SPDYE1: variants seen among roughly 807,000 people sequenced by gnomAD.
The protein encoded by SPDYE1 is speedy protein E1.
In SPDYE1, 29 loss-of-function variants were observed where a neutral mutation model predicts 45.9. The ratio of observed to expected loss-of-function variants is 0.63; its 90% CI spans 0.47 to 0.86. The LOEUF (loss-of-function observed/expected upper bound fraction) is 0.86. SPDYE1 is among the 40% of genes least tolerant of loss of function. The pLI is 0.00. For synonymous variants in SPDYE1, 134 were observed against 176.8 expected (o/e 0.76, Z 1.92); for missense variants, 346 against 481.4 (o/e 0.72, Z 2.63).
At chr7:43,998,730 G>C (rs1585926809) in intron 1 of SPDYE1, among the ~76,000 whole-genome samples, 1 of 135,508 alleles carries the variant, frequency 7.4e-6, no homozygotes, top group Admixed American at 7.6e-5. Flanking sequence ...GGAGTGCAGT[G>C]GCAAGATCAT....
rs997862705 is a variant in SPDYE1, at chr7:44,000,096, G to A, written c.147G>A (p.Val49=). The A allele has an allele frequency of 2.9e-5, 29 of 984,858 alleles. No individual in the cohort carries two copies. In the South Asian group the frequency reaches 1.1e-3, roughly 37 times the overall value. 61.0% of individuals were successfully genotyped at this position (984,858 alleles called of 1,614,324 possible). Residue 49 remains valine (V), a synonymous_variant, in exon 2 of 9, where the codon GTG becomes GTA. Coordinates refer to ENST00000693451, the MANE Select transcript of SPDYE1 (RefSeq NM_001378423.2). ...YPLQEVVDDE[V]LGPSAPGVDP... ...TCCAGGAGGTGGTGGATGATGAAGT[G>A]TTGGGACCATCAGGTGAGGGGACTG...
At position 44,001,253 on chromosome 7, in the gene SPDYE1, T is replaced by G. The variant is rs770621486; in HGVS notation, c.348T>G (p.Leu116=). The change falls in exon 3 of 9, where the codon CTT becomes CTG. Residue 116 remains leucine (L), a synonymous_variant. Transcript: ENST00000693451. Reference sequence around the variant, plus strand: ...AACAGCGAGTGTCACCCATCCTCCTTGAGCACCACAAGGACTTCAACAGTC... The same window carrying G: ...AACAGCGAGTGTCACCCATCCTCCTGGAGCACCACAAGGACTTCAACAGTC... The part of the protein sequence containing the change: ...LKQQRVSPIL[L]EHHKDFNSQL... The G allele has an allele frequency of 2.5e-6, 4 of 1,597,722 alleles. No individual in the cohort carries two copies. In the East Asian group the frequency reaches 8.9e-5, roughly 36 times the overall value.
Position 44,007,323 on chromosome 7 carries a change from C to T in SPDYE1, c.808C>T (p.His270Tyr), listed in dbSNP as rs1238183918. ...CGAGGACTCCAAACAAAACATCTTC[C>T]ACTTCCTGTATGGGAAGAACCGCTC... Reference protein sequence around the residue: ...DDEDSKQNIFHFLYGKNRSRI... With the variant: ...DDEDSKQNIFYFLYGKNRSRI... Residue 270 changes from histidine to tyrosine, a missense_variant, in exon 7 of 9, where the codon CAC becomes TAC. Around this residue, in one of 4 missense-constraint regions of SPDYE1, gnomAD observed 186 missense variants for 219.1 expected, o/e 0.85. Transcript: ENST00000693451. 6.2e-7 allele frequency: 1 copy of T among 1,613,214 alleles called. No individual in the cohort carries two copies. The highest frequency in any genetic ancestry group is 1.1e-5 in the South Asian group (1 of 90,964).
rs1180533730 is a variant in SPDYE1, at chr7:44,007,724, C to T, written c.1087C>T (p.Pro363Ser). Residue 363 changes from proline (P) to serine (S), a missense_variant, in exon 8 of 9, where the codon CCA (proline) becomes TCA (serine). This residue lies in a region of SPDYE1 where 186 missense variants were observed against 219.1 expected (regional missense o/e 0.85). Coordinates refer to ENST00000693451, the MANE Select transcript of SPDYE1 (RefSeq NM_001378423.2). ...GTTTTTCCAGATCCAGGCTTATGACCCAGAGCACTGGGTGTGGGCGCGAGA... is the reference window on the plus strand; with the variant it reads ...GTTTTTCCAGATCCAGGCTTATGACTCAGAGCACTGGGTGTGGGCGCGAGA... ...EELEEIQAYD[P>S]EHWVWARDRA... 6.2e-7 allele frequency: 1 copy of T among 1,611,362 alleles called. No individual in the cohort carries two copies. Among genetic ancestry groups the T allele is most frequent in the Non-Finnish European group, 8.5e-7 (1 of 1,179,500 alleles).
Position 44,000,863 on chromosome 7 carries a change from G to A in SPDYE1, c.161-203G>A, listed in dbSNP as rs1287552493. On this transcript the variant is annotated intron_variant, in intron 2 of 8. Transcript: ENST00000693451. ...GGACCAGGGAAGGACATGAAGCAGCGTTCGGAGGACAGAGAGAGAGAAGAA... is the reference window on the plus strand; with the variant it reads ...GGACCAGGGAAGGACATGAAGCAGCATTCGGAGGACAGAGAGAGAGAAGAA... 33 of 1,373,748 alleles carry A rather than the reference G, an allele frequency of 2.4e-5. 3 individuals carry two copies. Among genetic ancestry groups the A allele is most frequent in the South Asian group, 3.1e-5 (2 of 65,500 alleles). 85.1% of individuals were successfully genotyped at this position (1,373,748 alleles called of 1,614,324 possible).
intron 2 of SPDYE1, chr7:44,000,757 A>T (rs1197612303): frequency 2.2e-5 from 27 of 1,204,996 alleles, no homozygotes; most frequent in Non-Finnish European, 2.8e-5. Flanking sequence ...GCACCACTAC[A>T]CTCCAACCTG....
intron 4 of SPDYE1, among the ~76,000 whole-genome samples, chr7:44,003,596 G>A (rs2096066993): frequency 6.6e-6 from 1 of 150,746 alleles, no homozygotes; most frequent in African/African-American, 2.4e-5. Context: ...TGCTGGAGGG[G>A]GTCCTGGCTG....
rs753525527 is a variant in SPDYE1 at position 44,002,796 on chromosome 7, G to A, written c.586G>A (p.Glu196Lys). 32 of 1,529,374 alleles carry A rather than the reference G, an allele frequency of 2.1e-5. No individual in the cohort carries two copies. The East Asian group carries it at 3.5e-4, about 17-fold the overall frequency. The allele number at this position is 1,529,374 out of a possible 1,614,324, so 94.7% of individuals were successfully genotyped here. ...RVSLVLPEHH[E>K]AFNRLLEDPV... ...GTCGCTCGTGCTCCCTGAGCACCAC[G>A]AGGCCTTCAACAGGCTGCTTGGTAG... Residue 196 changes from glutamate to lysine, a missense_variant, in exon 4 of 9, where the codon GAG becomes AAG. By Grantham distance (56) the Glu-to-Lys change is moderately conservative. This residue lies in a region of SPDYE1 where 141 missense variants were observed against 176.7 expected (regional missense o/e 0.80). Transcript: ENST00000693451.
rs2096075107 is a variant in SPDYE1, at chr7:44,008,652, C to T, written c.*46-15C>T. The T allele has an allele frequency of 2.4e-6, 3 of 1,274,312 alleles. No homozygotes were observed. The South Asian group carries it at 3.8e-5, about 16-fold the overall frequency. The allele number at this position is 1,274,312 out of a possible 1,614,324, so 78.9% of individuals were successfully genotyped here. A position where few individuals can be genotyped will look rare whatever the true frequency, so the allele number is the denominator to read the frequency against. On this transcript the variant is annotated splice_polypyrimidine_tract_variant and intron_variant, in intron 8 of 8. Transcript: ENST00000693451. ...CTGCCTCCTTGAAGTGTGACATTGT[C>T]TCTCTCCCTTCCAGAACACCGGACC...
rs766676346 is a variant in SPDYE1 at position 44,001,193 on chromosome 7, G to A, written c.288G>A (p.Val96=). ...LAPEPEETWV[V]ETLCGLKMKL... ...CTGAGCCTGAGGAGACCTGGGTAGTGGAGACGCTGTGTGGGCTCAAGATGA... is the reference window on the plus strand; with the variant it reads ...CTGAGCCTGAGGAGACCTGGGTAGTAGAGACGCTGTGTGGGCTCAAGATGA... The change falls in exon 3 of 9, where the codon GTG becomes GTA. Residue 96 remains valine, a synonymous_variant. Transcript: ENST00000693451. The A allele has an allele frequency of 2.5e-6, 4 of 1,598,352 alleles. No individual in the cohort carries two copies. Among genetic ancestry groups the A allele is most frequent in the South Asian group, 2.2e-5 (2 of 91,016 alleles).
chr7:44,006,139 C>A (rs1251744605), intron 6 of SPDYE1, among the ~76,000 whole-genome samples: 1 of 152,080 alleles, frequency 6.6e-6, no homozygotes, highest in Non-Finnish European at 1.5e-5. Flanking sequence ...CACACTGGCT[C>A]GCCATCTTGG....
Position 44,007,578 on chromosome 7 carries a change from T to C in SPDYE1, c.1063T>C (p.Leu355=), listed in dbSNP as rs760415122. 5.6e-6 allele frequency: 9 copies of C among 1,612,436 alleles called. No individual in the cohort carries two copies. The highest frequency in any genetic ancestry group is 6.8e-6 in the Non-Finnish European group (8 of 1,179,858). Residue 355 remains leucine, a synonymous_variant, in exon 7 of 9, where the codon TTG becomes CTG. Coordinates refer to ENST00000693451, the MANE Select transcript of SPDYE1 (RefSeq NM_001378423.2). ...CAGGGCTTGGGTTTCCCCAGAGGAG[T>C]TGGAGGAGGTGAGTGGGGCCTGGGG... ...SCRAWVSPEE[L]EEIQAYDPEH...
Position 44,009,504 on chromosome 7 carries a change from T to A in SPDYE1, c.*883T>A, listed in dbSNP as rs2128780418. On this transcript the variant is annotated 3_prime_UTR_variant, in exon 9 of 9. Transcript: ENST00000693451. ...ATTCAGTTGTGATTTTTAACATGTG[T>A]CAGATATATATACTAACACGTCTAA... is the stretch of plus-strand genomic sequence containing the variant. 1 of 151,554 alleles carries A rather than the reference T, an allele frequency of 6.6e-6. No homozygotes were observed. Among genetic ancestry groups the A allele is most frequent in the East Asian group, 1.9e-4 (1 of 5,184 alleles). The allele number at this position is 151,554 out of a possible 1,614,324, so 9.4% of individuals were successfully genotyped here. A position where few individuals can be genotyped will look rare whatever the true frequency, so the allele number is the denominator to read the frequency against.
chr7:44,005,246 C>T lies in SPDYE1; in HGVS notation c.752+19C>T. 6.2e-7 allele frequency: 1 copy of T among 1,611,798 alleles called. No homozygotes were observed. The highest frequency in any genetic ancestry group is 8.5e-7 in the Non-Finnish European group (1 of 1,179,700). ...TGGCTCTGTGAGTGGTTTGCTGCCTCCTATCCGTCAATATCCAATGCCCTG... is the reference window on the plus strand; with the variant it reads ...TGGCTCTGTGAGTGGTTTGCTGCCTTCTATCCGTCAATATCCAATGCCCTG... On this transcript the variant is annotated intron_variant, in intron 6 of 8. Coordinates refer to ENST00000693451, the MANE Select transcript of SPDYE1 (RefSeq NM_001378423.2).
At chr7:44,007,956 A>G in intron 8 of SPDYE1, 143 bp downstream of exon 8, 4 of 1,508,190 alleles carry the variant, frequency 2.7e-6, no homozygotes, top group Non-Finnish European at 3.5e-6. Context: ...TAGCCAGGCA[A>G]TGTGGGACGC....
chr7:43,998,215 A>G (rs1020888446), intron 1 of SPDYE1, among the ~76,000 whole-genome samples: 9 of 152,096 alleles, frequency 5.9e-5, no homozygotes, highest in African/African-American at 2.2e-4. Flanking sequence ...TTCCACAGCA[A>G]TGGGATCTGC....
intron 6 of SPDYE1, among the ~76,000 whole-genome samples, chr7:44,006,718 A>G (rs2096071718): frequency 6.6e-6 from 1 of 152,118 alleles, no homozygotes; most frequent in Non-Finnish European, 1.5e-5. Context: ...GGGTTCACAC[A>G]ATTCTTATGC....
At chr7:44,005,089 T>C in intron 5 of SPDYE1, 53 bp from the exon 6 acceptor site, 2 of 1,590,156 alleles carry the variant, frequency 1.3e-6, no homozygotes, top group Non-Finnish European at 1.7e-6. Flanking sequence ...CTCCACAATC[T>C]TCCTCTTCCA....
rs1287822499 is a variant in SPDYE1 at position 44,007,276 on chromosome 7, C to G, written c.761C>G (p.Ala254Gly). 2 of 1,612,474 alleles carry G rather than the reference C, an allele frequency of 1.2e-6. No individual in the cohort carries two copies. The highest frequency in any genetic ancestry group is 1.7e-6 in the Non-Finnish European group (2 of 1,179,980). ...CTGATTCCTGTCCTCAGCTACCTGG[C>G]CAATGACATGGAGGAGGACGACGAG... is the stretch of plus-strand genomic sequence containing the variant. ...RLHFFLALYL[A>G]NDMEEDDEDS... Residue 254 changes from alanine (A) to glycine (G), a missense_variant, in exon 7 of 9, where the codon GCC becomes GGC. Physicochemically the swap from Ala to Gly is moderately conservative, Grantham distance 60. This residue lies in a region of SPDYE1 where 186 missense variants were observed against 219.1 expected (regional missense o/e 0.85). Transcript: ENST00000693451.
Sources: gnomAD v4.1 joint callset for allele counts (sites outside exome capture counted in the v4.1 genomes callset) on GRCh38, gnomAD v4.1.1 for gene constraint, gnomAD v4.1.1 regional missense constraint, MANE v1.5 for transcripts, NCBI Gene and HGNC (gene_info 2026-07-23, HGNC 2026-07-21) for gene names.